The following MYH13 variants were observed in gnomAD, a reference collection of about 807,000 sequenced individuals.
The protein encoded by MYH13 is myosin-13.
In MYH13, 177 loss-of-function variants were observed where a neutral mutation model predicts 232.1. The ratio of observed to expected loss-of-function variants is 0.76; its 90% CI spans 0.67 to 0.86. The LOEUF is 0.86. Ranked by LOEUF, MYH13 falls within the 40% of genes least tolerant of loss-of-function variation. MYH13 has a pLI of 0.00. For synonymous variants in MYH13, 884 were observed against 923.5 expected, an observed-to-expected ratio of 0.96 and a Z score of 0.78; for missense variants, 2,246 against 2,405.9, an observed-to-expected ratio of 0.93 and a Z score of 1.39.
rs1253369004 is a variant in MYH13 at position 10,321,675 on chromosome 17, CA to C, written c.2967del (p.Glu990LysfsTer7). The part of the protein sequence containing the change: ...VKNLSEEMTA[L>X]EENISKLTKE... ...TTGGTCAATTTGGAAATGTTTTCTTCAAGTGCTGTCATTTCTTCGGAAAGAT... is the reference window on the plus strand; with the variant it reads ...TTGGTCAATTTGGAAATGTTTTCTTCAGTGCTGTCATTTCTTCGGAAAGAT... On this transcript the variant is annotated frameshift_variant, in exon 24 of 41. Transcript: ENST00000252172. LOFTEE classifies it high-confidence loss of function. The C allele has an allele frequency of 6.2e-7, 1 of 1,613,414 alleles. No homozygotes were observed. Among genetic ancestry groups the C allele is most frequent in the Non-Finnish European group, 8.5e-7 (1 of 1,179,712 alleles).
chr17:10,303,587 C>T (rs1342888543), intron 37 of MYH13, 89 bp from the exon 38 acceptor site: 1 of 1,121,604 alleles, frequency 8.9e-7, no homozygotes, highest in African/African-American at 1.6e-5. Flanking sequence ...AGAGTGAACT[C>T]AAGATCCCCT....
At chr17:10,335,618 G>A (rs1486994489) in intron 18 of MYH13, among the ~76,000 whole-genome samples, 3 of 152,080 alleles carry the variant, frequency 2.0e-5, no homozygotes, top group Non-Finnish European at 4.4e-5. Flanking sequence ...GCTGGGTGTG[G>A]TGGTGCGTCC....
chr17:10,327,727 G>A, intron 22 of MYH13, 139 bp downstream of exon 22: 1 of 1,038,222 alleles, frequency 9.6e-7, no homozygotes. Flanking sequence ...TACGAGCAAG[G>A]TGGTGCTGCA....
Position 10,315,962 on chromosome 17 carries a change from C to T in MYH13, c.3802G>A (p.Glu1268Lys), listed in dbSNP as rs866115089. ...DQFSEIKAKDEQQTQLIHDLN... is the reference protein window; with the variant it reads ...DQFSEIKAKDKQQTQLIHDLN... ...TCATGGATCAACTGTGTCTGTTGCT[C>T]GTCCTTGGCTTTGATTTCACTAAAT... Residue 1268 changes from glutamate (E) to lysine (K), a missense_variant, in exon 28 of 41, where the codon GAG becomes AAG. Transcript: ENST00000252172. 5 of 1,613,972 alleles carry T rather than the reference C, an allele frequency of 3.1e-6. No individual in the cohort carries two copies. The highest frequency in any genetic ancestry group is 3.4e-6 in the Non-Finnish European group (4 of 1,179,876).
chr17:10,347,802 T>C (rs2071678019), intron 12 of MYH13, among the ~76,000 whole-genome samples: 2 of 139,932 alleles, frequency 1.4e-5, no homozygotes, highest in African/African-American at 5.3e-5. Context: ...CACTGCAAGC[T>C]CCGCCTCCTG....
Position 10,313,257 on chromosome 17 carries a change from A to G in MYH13, c.4082T>C (p.Leu1361Pro). The G allele has an allele frequency of 6.2e-7, 1 of 1,614,220 alleles. No homozygotes were observed. The highest frequency in any genetic ancestry group is 8.5e-7 in the Non-Finnish European group (1 of 1,180,050). ...YEEEQEAKAELQRALSKANSE... is the reference protein window; with the variant it reads ...YEEEQEAKAEPQRALSKANSE... ...GTTGGCCTTGGACAGCGCCCTCTGCAGCTCGGCCTTGGCTTCCTGCTCCTC... is the reference window on the plus strand; with the variant it reads ...GTTGGCCTTGGACAGCGCCCTCTGCGGCTCGGCCTTGGCTTCCTGCTCCTC... The change falls in exon 30 of 41, where the codon CTG becomes CCG. Residue 1361 changes from leucine (L) to proline (P), a missense_variant. Physicochemically the swap from Leu to Pro is moderately conservative, Grantham distance 98 (BLOSUM62 -3). Coordinates refer to ENST00000252172, the MANE Select transcript of MYH13 (RefSeq NM_003802.3).
At position 10,355,152 on chromosome 17, in the gene MYH13, C is replaced by A; in HGVS notation, c.739-5G>T. On this transcript the variant is annotated splice_region_variant and splice_polypyrimidine_tract_variant and intron_variant, in intron 8 of 40. Coordinates refer to ENST00000252172, the MANE Select transcript of MYH13 (RefSeq NM_003802.3). ...ATGAATCCGAATGAACTTCCCCTGTCCAATAACAGGTGGACAAATGTTACG... is the reference window on the plus strand; with the variant it reads ...ATGAATCCGAATGAACTTCCCCTGTACAATAACAGGTGGACAAATGTTACG... The A allele has an allele frequency of 6.4e-7, 1 of 1,569,018 alleles. No homozygotes were observed. The highest frequency in any genetic ancestry group is 8.7e-7 in the Non-Finnish European group (1 of 1,155,492).
At chr17:10,307,183 A>G (rs2142217756) in intron 35 of MYH13, 119 bp from the exon 36 acceptor site, 1 of 1,280,106 alleles carries the variant, frequency 7.8e-7, no homozygotes, top group Non-Finnish European at 1.1e-6. Context: ...TATTTTTCAC[A>G]TGGGTGACCT....
chr17:10,354,831 G>C, intron 10 of MYH13, 48 bp from the exon 11 acceptor site: 2 of 1,540,400 alleles, frequency 1.3e-6, no homozygotes, highest in South Asian at 2.3e-5. Flanking sequence ...AACTTACTCT[G>C]GGTTGTTTTT....
At position 10,301,090 on chromosome 17, in the gene MYH13, T is replaced by C; in HGVS notation, c.5803-125A>G. 3 of 896,034 alleles carry C rather than the reference T, an allele frequency of 3.3e-6. No individual in the cohort carries two copies. In the South Asian group the frequency reaches 4.4e-5, roughly 13 times the overall value. 55.5% of individuals were successfully genotyped at this position (896,034 alleles called of 1,614,324 possible). On this transcript the variant is annotated intron_variant, in intron 40 of 40. Transcript: ENST00000252172. ...GAGGAATATTAAGGAATGGCGTTGT[T>C]TCCCTTTGAACATTGTAAAAGCAAA...
intron 39 of MYH13, 126 bp from the exon 40 acceptor site, chr17:10,301,829 G>A: frequency 7.8e-7 from 1 of 1,290,272 alleles, no homozygotes; most frequent in Admixed American, 2.7e-5. Context: ...GGCAGAGAGG[G>A]CAGGGAAGCT....
chr17:10,315,608 G>T, intron 29 of MYH13, 85 bp downstream of exon 29: 2 of 1,210,424 alleles, frequency 1.7e-6, no homozygotes, highest in Non-Finnish European at 2.3e-6. Context: ...CAGATTTCTT[G>T]ATGTAGCACT....
At position 10,362,370 on chromosome 17, in the gene MYH13, C is replaced by G; in HGVS notation, c.338G>C (p.Trp113Ser). The G allele has an allele frequency of 1.9e-6, 3 of 1,614,164 alleles. No homozygotes were observed. Among genetic ancestry groups the G allele is most frequent in the Non-Finnish European group, 2.5e-6 (3 of 1,180,044 alleles). The change falls in exon 4 of 41, where the codon TGG becomes TCG. Residue 113 changes from tryptophan to serine, a missense_variant. Coordinates refer to ENST00000252172, the MANE Select transcript of MYH13 (RefSeq NM_003802.3). ...LYNLKERYAA[W>S]MIYTYSGLFC... is the part of the protein sequence containing the mutation. ...TTTACAGACACTCACGTAGATCATC[C>G]AGGCTGCATAGCGCTCTTTGAGGTT...
In MYH13 at chr17:10,321,398, T is replaced by TG. The variant is rs140723409; in HGVS notation, c.3111+133dup. 5.8e-3 allele frequency: 4,998 copies of TG among 858,448 alleles called. 163 individuals are homozygous for TG. In the African/African-American group the frequency reaches 0.071, roughly 12 times the overall value. 53.2% of individuals were successfully genotyped at this position (858,448 alleles called of 1,614,324 possible). On this transcript the variant is annotated intron_variant, in intron 24 of 40. Transcript: ENST00000252172. ...ATCCCAGACTCCTTCAGGGTCAGGG[T>TG]GGGGCTGAGATCTGAATTTAGGGAT...
chr17:10,334,931 C>T (rs1419176191), intron 18 of MYH13, among the ~76,000 whole-genome samples: 2 of 151,392 alleles, frequency 1.3e-5, no homozygotes, highest in African/African-American at 4.9e-5. Context: ...ATAGAACCGC[C>T]GATGTGGAGA....
rs768720710 is a variant in MYH13, at chr17:10,311,976, C to T, written c.4466G>A (p.Arg1489Lys). 2.5e-6 allele frequency: 4 copies of T among 1,614,026 alleles called. No homozygotes were observed. The Admixed American group carries it at 5.0e-5, about 20-fold the overall frequency. ...RSLSTELFKM[R>K]NAYEEVVDQL... The stretch of plus-strand genomic sequence containing the variant: ...GTCCACCACCTCCTCATAGGCATTC[C>T]TCATCTTGAAGAGTTCAGTGCTGAG... Residue 1489 changes from arginine (R) to lysine (K), a missense_variant, in exon 32 of 41, where the codon AGG becomes AAG. Physicochemically the swap from Arg to Lys is conservative, Grantham distance 26. Coordinates refer to ENST00000252172, the MANE Select transcript of MYH13 (RefSeq NM_003802.3).
rs1184947268 is a variant in MYH13 at position 10,320,149 on chromosome 17, T to C, written c.3348+4A>G. 6.4e-7 allele frequency: 1 copy of C among 1,574,134 alleles called. No individual in the cohort carries two copies. The highest frequency in any genetic ancestry group is 1.9e-5 in the Admixed American group (1 of 53,502). ...CATGATTGGGAAGGTTTTGATGCTT[T>C]TACTTGCAGTTCTTTAATCTTCTTT... is the stretch of plus-strand genomic sequence containing the variant. On this transcript the variant is annotated splice_donor_region_variant and intron_variant, in intron 26 of 40. Coordinates refer to ENST00000252172, the MANE Select transcript of MYH13 (RefSeq NM_003802.3).
chr17:10,345,150 G>T (rs2071652305), intron 15 of MYH13, 52 bp downstream of exon 15: 5 of 1,613,666 alleles, frequency 3.1e-6, no homozygotes, highest in Non-Finnish European at 4.2e-6. Context: ...AGAGCAAGAA[G>T]GGGAGGGCCC....
Position 10,360,061 on chromosome 17 carries a change from C to G in MYH13, c.544G>C (p.Gly182Arg). Residue 182 changes from glycine (G) to arginine (R), a missense_variant, in exon 7 of 41, where the codon GGG becomes CGG. Gly to Arg is a moderately radical substitution (Grantham distance 125, BLOSUM62 -2). Transcript: ENST00000252172. ...TTGGTGTTCACAGTCTTCCCAGCCC[C>G]GGATTCTCCGCTGCCAATTTAAAAG... ...NQSILITGES[G>R]AGKTVNTKRV... 1 of 1,614,098 alleles carries G rather than the reference C, an allele frequency of 6.2e-7. No individual in the cohort carries two copies. The highest frequency in any genetic ancestry group is 2.2e-5 in the East Asian group (1 of 44,870).
Sources: gnomAD v4.1 joint callset for allele counts (sites outside exome capture counted in the v4.1 genomes callset) on GRCh38, gnomAD v4.1.1 for gene constraint, MANE v1.5 for transcripts, NCBI Gene and HGNC (gene_info 2026-07-23, HGNC 2026-07-21) for gene names.